IPO11: variants seen among roughly 807,000 people sequenced by gnomAD.
The protein encoded by IPO11 is importin-11.
In IPO11, 66 loss-of-function variants were observed where a neutral mutation model predicts 143.2. The ratio of observed to expected loss-of-function variants is 0.46; its 90% CI spans 0.38 to 0.57. The LOEUF (loss-of-function observed/expected upper bound fraction) is 0.57, where lower values mean the gene tolerates loss of function less well. Ranked by LOEUF, IPO11 falls within the 20% of genes least tolerant of loss-of-function variation. The probability of loss-of-function intolerance (pLI) is 0.00; values close to 1 mark genes in which losing one functional copy is unlikely to be tolerated. For synonymous variants in IPO11, 385 were observed against 377.8 expected, an observed-to-expected ratio of 1.02 and a Z score of -0.22; for missense variants, 1,026 against 1,141.0, an observed-to-expected ratio of 0.90 and a Z score of 1.45.
intron 26 of IPO11, among the ~76,000 whole-genome samples, chr5:62,555,690 A>C (rs1314573795): frequency 6.6e-6 from 1 of 152,018 alleles, no homozygotes; most frequent in Non-Finnish European, 1.5e-5. Context: ...TTTTTAGTAG[A>C]GACGGGGTTT....
chr5:62,459,604 G>A (rs917899543), intron 5 of IPO11, among the ~76,000 whole-genome samples: 2 of 151,710 alleles, frequency 1.3e-5, no homozygotes. Context: ...AGGCTGGAGT[G>A]CAGTGGTGCA....
chr5:62,493,052 T>G (rs1740993471), intron 15 of IPO11, among the ~76,000 whole-genome samples: 1 of 152,238 alleles, frequency 6.6e-6, no homozygotes, highest in African/African-American at 2.4e-5. Context: ...ACCTGAACTT[T>G]GATTTCTTTT....
intron 19 of IPO11, among the ~76,000 whole-genome samples, chr5:62,510,699 T>A (rs1741716284): frequency 6.6e-6 from 1 of 152,194 alleles, no homozygotes; most frequent in Non-Finnish European, 1.5e-5. Flanking sequence ...TTTTTTCTCC[T>A]TCCTTTTATA....
Position 62,515,416 on chromosome 5 carries a change from A to G in IPO11, c.1811A>G (p.Gln604Arg). 6.2e-7 allele frequency: 1 copy of G among 1,609,958 alleles called. No individual in the cohort carries two copies. Residue 604 changes from glutamine (Q) to arginine (R), a missense_variant, in exon 20 of 30, where the codon CAA becomes CGA. Around this residue, in one of 5 missense-constraint regions of IPO11, gnomAD observed 237 missense variants for 288.0 expected, o/e 0.82. Transcript: ENST00000325324. ...CGACCATATGTGGGATGTTTGGTAC[A>G]ATATTTGCCCCTCCTTTGGAAGCAG... ...QIRPYVGCLV[Q>R]YLPLLWKQSE...
intron 28 of IPO11, 123 bp from the exon 29 acceptor site, chr5:62,601,641 A>T (rs1745510817): frequency 2.2e-6 from 1 of 449,104 alleles, no homozygotes. Context: ...TCTTTTTCTC[A>T]CATTTTGGTG....
intron 1 of IPO11, among the ~76,000 whole-genome samples, chr5:62,415,715 G>T (rs1743270643): frequency 6.6e-6 from 1 of 150,378 alleles, no homozygotes; most frequent in Non-Finnish European, 1.5e-5. Context: ...TGATCCCCCT[G>T]CCTCAGCCTC....
At chr5:62,546,490 C>T (rs565200128) in intron 24 of IPO11, among the ~76,000 whole-genome samples, 2 of 151,924 alleles carry the variant, frequency 1.3e-5, no homozygotes, top group South Asian at 4.2e-4. Flanking sequence ...GGAGATATAC[C>T]TAATGTAAAT....
rs559481271 is a variant in IPO11 at position 62,527,201 on chromosome 5, C to G, written c.2012+944C>G. On this transcript the variant is annotated intron_variant, in intron 21 of 29. Coordinates refer to ENST00000325324, the MANE Select transcript of IPO11 (RefSeq NM_016338.5). ...GTATGTGGTTTGGTTGTAAATTAGC[C>G]TGTTGTTGAAATATTTTATATTCAA... Among the ~76,000 whole-genome samples, 109 of 152,258 alleles carry G rather than the reference C, an allele frequency of 7.2e-4. 2 individuals are homozygous for G. In the South Asian group the frequency reaches 8.1e-3, roughly 11 times the overall value.
chr5:62,585,345 C>A (rs1294603151), intron 27 of IPO11, among the ~76,000 whole-genome samples: 1 of 152,148 alleles, frequency 6.6e-6, no homozygotes, highest in Non-Finnish European at 1.5e-5. Flanking sequence ...AGAATCAGGA[C>A]CATACCTGCA....
chr5:62,620,200 G>C (rs544818935), intron 29 of IPO11, among the ~76,000 whole-genome samples: 1 of 152,216 alleles, frequency 6.6e-6, no homozygotes, highest in South Asian at 2.1e-4. Flanking sequence ...ATTTTAGGGA[G>C]ACGTGAGACT....
In IPO11 at chr5:62,476,685, A is replaced by G. The variant is rs1458943031; in HGVS notation, c.760A>G (p.Arg254Gly). 6.6e-7 allele frequency: 1 copy of G among 1,513,156 alleles called. No individual in the cohort carries two copies. The highest frequency in any genetic ancestry group is 8.9e-7 in the Non-Finnish European group (1 of 1,128,502). The allele number at this position is 1,513,156 out of a possible 1,614,324, so 93.7% of individuals were successfully genotyped here. The change falls in exon 9 of 30, where the codon AGA (arginine) becomes GGA (glycine). Residue 254 changes from arginine (R) to glycine (G), a missense_variant and splice_region_variant. Arg to Gly is a moderately radical substitution (Grantham distance 125). Around this residue, in one of 5 missense-constraint regions of IPO11, gnomAD observed 429 missense variants for 456.3 expected, o/e 0.94. Transcript: ENST00000325324. ...ERLKQFLECS[R>G]SIGTDNVCRD... The stretch of plus-strand genomic sequence containing the variant: ...TATTTGAAATGTATTTTTAACAGGT[A>G]GAAGTATAGGTACAGATAATGTGTG...
intron 29 of IPO11, among the ~76,000 whole-genome samples, chr5:62,621,880 A>T (rs1194492562): frequency 2.0e-5 from 3 of 148,772 alleles, no homozygotes; most frequent in African/African-American, 7.4e-5. Context: ...AACAATGATT[A>T]AAAAAAAAAG....
At chr5:62,505,024 T>C in intron 18 of IPO11, 126 bp downstream of exon 18, 2 of 492,556 alleles carry the variant, frequency 4.1e-6, no homozygotes, top group Non-Finnish European at 6.9e-6. Context: ...GTATGCTGTA[T>C]TGGATTATTT....
chr5:62,433,417 G>A (rs941004583), intron 1 of IPO11, among the ~76,000 whole-genome samples: 2 of 152,080 alleles, frequency 1.3e-5, no homozygotes, highest in Admixed American at 6.6e-5. Flanking sequence ...TTCGTATATT[G>A]GTTCTGTGTG....
chr5:62,464,225 C>T (rs1011226937), intron 5 of IPO11, among the ~76,000 whole-genome samples: 2 of 140,968 alleles, frequency 1.4e-5, no homozygotes, highest in Admixed American at 1.5e-4. Flanking sequence ...TCTCTGCTCT[C>T]TGCAACTTCT....
At chr5:62,580,899 A>G (rs1034063457) in intron 27 of IPO11, 2 of 1,551,246 alleles carry the variant, frequency 1.3e-6, no homozygotes, top group African/African-American at 2.7e-5. Flanking sequence ...TGCAAATACA[A>G]CTTACTACTT....
intron 5 of IPO11, among the ~76,000 whole-genome samples, chr5:62,461,791 T>C (rs1745367195): frequency 6.6e-6 from 1 of 152,250 alleles, no homozygotes; most frequent in African/African-American, 2.4e-5. Flanking sequence ...AAGTACTTCT[T>C]ATCTGCAATG....
chr5:62,456,663 A>G, intron 5 of IPO11, among the ~76,000 whole-genome samples: 1 of 152,220 alleles, frequency 6.6e-6, no homozygotes, highest in Non-Finnish European at 1.5e-5. Context: ...TTCTGTCTTA[A>G]CAGTCACTCA....
intron 16 of IPO11, among the ~76,000 whole-genome samples, chr5:62,504,392 T>C (rs1424814487): frequency 6.6e-6 from 1 of 152,182 alleles, no homozygotes; most frequent in Non-Finnish European, 1.5e-5. Flanking sequence ...TTACTGCAAA[T>C]TATTTTCCTT....
Sources: gnomAD v4.1 joint callset for allele counts (sites outside exome capture counted in the v4.1 genomes callset) on GRCh38, gnomAD v4.1.1 for gene constraint, gnomAD v4.1.1 regional missense constraint, MANE v1.5 for transcripts, NCBI Gene and HGNC (gene_info 2026-07-23, HGNC 2026-07-21) for gene names.